ZNF664: variants seen among roughly 807,000 people sequenced by gnomAD.
ZNF664 encodes the protein zinc finger protein 664.
In ZNF664, 10 loss-of-function variants were observed where a neutral mutation model predicts 18.2. The ratio of observed to expected loss-of-function variants is 0.55; its 90% confidence interval spans 0.34 to 0.93. The LOEUF is 0.93. ZNF664 is among the 40% of genes least tolerant of loss of function. The pLI is 0.02. For missense variants in ZNF664, 193 were observed against 319.0 expected (o/e 0.61, Z 3.01); for synonymous variants, 119 against 104.2 (o/e 1.14, Z -0.86).
chr12:123,982,267 G>C (rs1040232992), intron 2 of ZNF664, among the ~76,000 whole-genome samples: 3 of 152,200 alleles, frequency 2.0e-5, no homozygotes, highest in African/African-American at 7.2e-5. Flanking sequence ...AGGTAGCGGA[G>C]AAAGTGCCTG....
intron 3 of ZNF664, among the ~76,000 whole-genome samples, chr12:123,996,498 G>C (rs1474859159): frequency 6.6e-6 from 1 of 152,162 alleles, no homozygotes; most frequent in Non-Finnish European, 1.5e-5. Flanking sequence ...AAATTTAGCT[G>C]TGTCTGTTAA....
chr12:123,979,657 G>A (rs1001792417), intron 2 of ZNF664, among the ~76,000 whole-genome samples: 6 of 152,048 alleles, frequency 3.9e-5, no homozygotes, highest in African/African-American at 1.4e-4. Flanking sequence ...ATATCAAGTA[G>A]CGTTTTGTTT....
intron 2 of ZNF664, among the ~76,000 whole-genome samples, chr12:123,976,786 TA>T (rs879762819): frequency 1.8e-3 from 261 of 143,000 alleles, no homozygotes; most frequent in African/African-American, 1.9e-3. Context: ...AATGTTTGAT[TA>T]AAAAAAAAAA....
intron 3 of ZNF664, among the ~76,000 whole-genome samples, chr12:123,993,183 A>C (rs1218479958): frequency 6.6e-6 from 1 of 152,030 alleles, no homozygotes; most frequent in African/African-American, 2.4e-5. Flanking sequence ...GAGGTCTAGG[A>C]CCCTACAAGG....
intron 2 of ZNF664, among the ~76,000 whole-genome samples, chr12:123,978,434 C>T (rs1446672624): frequency 6.6e-6 from 1 of 152,140 alleles, no homozygotes; most frequent in Admixed American, 6.5e-5. Flanking sequence ...AGCAGCAAAA[C>T]TAGAAAACAT....
chr12:123,977,680 T>G (rs1480837760), intron 2 of ZNF664, among the ~76,000 whole-genome samples: 1 of 152,076 alleles, frequency 6.6e-6, no homozygotes, highest in Non-Finnish European at 1.5e-5. Context: ...CATTTTGGGG[T>G]GAACGTGGTA....
chr12:123,974,060 C>A, intron 2 of ZNF664, 40 bp downstream of exon 2: 1 of 1,074,038 alleles, frequency 9.3e-7, no homozygotes, highest in South Asian at 4.7e-5. Context: ...CCTCTGACTC[C>A]CGCCTCCGCA....
rs1229512923 is a variant in ZNF664 at position 123,991,768 on chromosome 12, A to G, written c.-661+3630A>G. Among the ~76,000 whole-genome samples the G allele has an allele frequency of 9.8e-5, 15 of 152,324 alleles. No individual in the cohort carries two copies. The South Asian group carries it at 2.5e-3, about 25-fold the overall frequency. On this transcript the variant is annotated intron_variant, in intron 3 of 4. Coordinates refer to ENST00000337815, the MANE Select transcript of ZNF664 (RefSeq NM_152437.3). ...TTGTGAGAGGACTTGGCTGAAGGAA[A>G]GCTACAGAATGGATGCCTGTGTCAT...
rs1194449373 is a variant in ZNF664 at position 124,013,019 on chromosome 12, T to G, written c.*89T>G. ...TATACCTACATTGACCCAAGAAATA[T>G]TTACGCAATCCCTAGCAGAACATTG... On this transcript the variant is annotated 3_prime_UTR_variant, in exon 5 of 5. Coordinates refer to ENST00000337815, the MANE Select transcript of ZNF664 (RefSeq NM_152437.3). 1.4e-6 allele frequency: 2 copies of G among 1,433,322 alleles called. No homozygotes were observed. The highest frequency in any genetic ancestry group is 1.9e-6 in the Non-Finnish European group (2 of 1,069,318). 88.8% of individuals were successfully genotyped at this position (1,433,322 alleles called of 1,614,324 possible).
At chr12:123,979,690 T>G (rs1244911994) in intron 2 of ZNF664, among the ~76,000 whole-genome samples, 1 of 152,112 alleles carries the variant, frequency 6.6e-6, no homozygotes, top group Non-Finnish European at 1.5e-5. Flanking sequence ...TTTGTTTGTT[T>G]TGTTTTGAGA....
At chr12:123,980,359 C>T (rs1956749251) in intron 2 of ZNF664, among the ~76,000 whole-genome samples, 1 of 151,934 alleles carries the variant, frequency 6.6e-6, no homozygotes, top group Non-Finnish European at 1.5e-5. Context: ...GTGCCTAGTA[C>T]CTAAAAGGAT....
chr12:123,976,966 G>A (rs145761741), intron 2 of ZNF664, among the ~76,000 whole-genome samples: 1,982 of 152,170 alleles, frequency 0.013, 24 homozygotes, highest in South Asian at 0.024. Context: ...CGTATTCCCA[G>A]CTACTCGGGA....
chr12:124,009,063 A>G (rs1957106076), intron 3 of ZNF664, among the ~76,000 whole-genome samples: 2 of 152,212 alleles, frequency 1.3e-5, no homozygotes, highest in Non-Finnish European at 2.9e-5. Flanking sequence ...TTTATATTAC[A>G]GAATTTTTTC....
intron 2 of ZNF664, among the ~76,000 whole-genome samples, chr12:123,982,856 AGGTTGAAAGTTG>A (rs59247853): frequency 0.041 from 6,292 of 152,290 alleles, 401 homozygotes; most frequent in African/African-American, 0.13. Context: ...CTTTCAGCCC[AGGTTGAAAGTTG>A]TGTCTACTGG....
chr12:123,973,711 C>T, intron 1 of ZNF664, 175 bp from the exon 2 acceptor site: 1 of 1,126,790 alleles, frequency 8.9e-7, no homozygotes, highest in Non-Finnish European at 1.1e-6. Context: ...AGCCAGGCTC[C>T]ATTGTTGTTG....
chr12:124,008,871 T>G (rs1308328483), intron 3 of ZNF664, among the ~76,000 whole-genome samples: 1 of 152,100 alleles, frequency 6.6e-6, no homozygotes, highest in East Asian at 1.9e-4. Context: ...ATTTTGTAAG[T>G]GCTACTCTGG....
intron 2 of ZNF664, chr12:123,974,670 C>CAAACTA (rs1956663067): frequency 2.0e-5 from 3 of 152,326 alleles, no homozygotes; most frequent in East Asian, 3.9e-4. Context: ...GGTGTTTATC[C>CAAACTA]TTCTAGATCT....
chr12:123,976,684 T>C (rs1299753514), intron 2 of ZNF664, among the ~76,000 whole-genome samples: 1 of 151,884 alleles, frequency 6.6e-6, no homozygotes. Flanking sequence ...GGAGACCAGG[T>C]TGGCCATCTC....
chr12:123,989,656 A>G (rs1956866347), intron 3 of ZNF664, among the ~76,000 whole-genome samples: 1 of 152,196 alleles, frequency 6.6e-6, no homozygotes, highest in Admixed American at 6.5e-5. Context: ...GTACATGTCC[A>G]TCTAGGGTAC....
Sources: gnomAD v4.1 joint callset for allele counts (sites outside exome capture counted in the v4.1 genomes callset) on GRCh38, gnomAD v4.1.1 for gene constraint, MANE v1.5 for transcripts, NCBI Gene and HGNC (gene_info 2026-07-23, HGNC 2026-07-21) for gene names.